The following ZNF419 variants were observed in gnomAD, a reference collection of about 807,000 sequenced individuals.
ZNF419 encodes zinc finger protein 419, also known as zinc finger protein 419A.
A neutral mutation model predicts 14.9 loss-of-function variants in ZNF419; 8 were observed. The observed-to-expected ratio is 0.54, with a 90% CI of 0.32 to 0.97. The LOEUF (loss-of-function observed/expected upper bound fraction) is 0.97. ZNF419 is among the 50% of genes least tolerant of loss of function. The probability of loss-of-function intolerance (pLI) is 0.04; values close to 1 mark genes in which losing one functional copy is unlikely to be tolerated. For missense variants in ZNF419, 595 were observed against 607.2 expected, an observed-to-expected ratio of 0.98 and a Z score of 0.21; for synonymous variants, 211 against 205.3, an observed-to-expected ratio of 1.03 and a Z score of -0.24.
At chr19:57,492,815 C>T in intron 4 of ZNF419, 41 bp from the exon 5 acceptor site, 3 of 1,613,302 alleles carry the variant, frequency 1.9e-6, no homozygotes, top group Non-Finnish European at 2.5e-6. Flanking sequence ...CTCCTCACAC[C>T]AAAGTCTACA....
chr19:57,488,076 G>T (rs1035354219), intron 1 of ZNF419, 93 bp downstream of exon 1: 140 of 1,559,842 alleles, frequency 9.0e-5, no homozygotes, highest in Non-Finnish European at 1.6e-5. Context: ...TGGGGCGTTC[G>T]TGCGCGGCGT....
intron 4 of ZNF419, 123 bp downstream of exon 4, chr19:57,492,334 A>G (rs1357945642): frequency 8.9e-7 from 1 of 1,124,458 alleles, no homozygotes. Context: ...TTTCTTCCTT[A>G]GTCACCCATT....
rs1318240114 is a variant in ZNF419 at position 57,493,004 on chromosome 19, T to C, written c.447T>C (p.Ser149=). 1.9e-6 allele frequency: 3 copies of C among 1,613,472 alleles called. No homozygotes were observed. The Admixed American group carries it at 5.0e-5, about 27-fold the overall frequency. Residue 149 remains serine, a synonymous_variant, in exon 5 of 5, where the codon AGT becomes AGC. Transcript: ENST00000221735. Reference sequence around the variant, plus strand: ...AGGGCAGGGTCCCAGTTTTGAGGAGTTGCAAAGTTCACCTATCAGAGAAGT... The same window carrying C: ...AGGGCAGGGTCCCAGTTTTGAGGAGCTGCAAAGTTCACCTATCAGAGAAGT... ...RQEGRVPVLR[S]CKVHLSEKSL...
chr19:57,493,641 T>C lies in ZNF419; in HGVS notation c.1084T>C (p.Trp362Arg). ...YSHKSNLIKHWRVHTGERPYK... is the reference protein window; with the variant it reads ...YSHKSNLIKHRRVHTGERPYK... ...CCACAAGTCCAACCTTATCAAACAT[T>C]GGCGTGTTCATACTGGAGAAAGGCC... The change falls in exon 5 of 5, where the codon TGG (tryptophan) becomes CGG (arginine). Residue 362 changes from tryptophan to arginine, a missense_variant. Transcript: ENST00000221735. 6.2e-7 allele frequency: 1 copy of C among 1,613,860 alleles called. No homozygotes were observed. The highest frequency in any genetic ancestry group is 2.2e-5 in the East Asian group (1 of 44,850).
chr19:57,491,383 A>C lies in ZNF419; in HGVS notation c.73-88A>C, dbSNP rs1004912009. The C allele has an allele frequency of 3.2e-6, 5 of 1,571,134 alleles. No individual in the cohort carries two copies. In the African/African-American group the frequency reaches 6.8e-5, roughly 21 times the overall value. On this transcript the variant is annotated intron_variant, in intron 2 of 4. Transcript: ENST00000221735. ...TCCTCTGAGATGGGGATTAAGGAAG[A>C]GGGTGAGCAGGGGTGGATGTTTAGG...
chr19:57,487,757 A>T lies in ZNF419; in HGVS notation c.-194A>T. 1 of 708,024 alleles carries T rather than the reference A, an allele frequency of 1.4e-6. No homozygotes were observed. 43.9% of individuals were successfully genotyped at this position (708,024 alleles called of 1,614,324 possible). A position where few individuals can be genotyped will look rare whatever the true frequency, so the allele number is the denominator to read the frequency against. On this transcript the variant is annotated 5_prime_UTR_variant, in exon 1 of 5. Transcript: ENST00000221735. ...ACTTCCGGCGTCTCGTTTGGTATTC[A>T]CTTTCGCGACTCAGGTGAACTAACC...
chr19:57,492,609 A>G, intron 4 of ZNF419: 1 of 752,144 alleles, frequency 1.3e-6, no homozygotes. Flanking sequence ...TGTGTTGGGG[A>G]CACTGCCTCT....
Position 57,487,945 on chromosome 19 carries a change from G to T in ZNF419, c.-6G>T. On this transcript the variant is annotated 5_prime_UTR_variant, in exon 1 of 5. Transcript: ENST00000221735. ...GTCTCCCCTCCAGCTCTACTCACAG[G>T]CTCCGATGGCGGCGGCCGCCCTGAG... 6.2e-7 allele frequency: 1 copy of T among 1,613,880 alleles called. No individual in the cohort carries two copies. The highest frequency in any genetic ancestry group is 8.5e-7 in the Non-Finnish European group (1 of 1,179,912).
Position 57,493,932 on chromosome 19 carries a change from G to T in ZNF419, c.1375G>T (p.Glu459Ter). 23 of 1,613,958 alleles carry T rather than the reference G, an allele frequency of 1.4e-5. No individual in the cohort carries two copies. Among genetic ancestry groups the T allele is most frequent in the Non-Finnish European group, 1.9e-5 (22 of 1,180,020 alleles). The part of the protein sequence containing the change: ...HIGEKPFKCN[E>*]CGRLFRENSS... ...TGGAGAAAAGCCTTTTAAGTGCAAT[G>T]AATGTGGGAGATTGTTTAGAGAGAA... The change falls in exon 5 of 5, where the codon GAA (glutamate) becomes TAA (stop). Residue 459 changes from glutamate (E) to a stop codon, truncating the protein, a stop_gained. Transcript: ENST00000221735. LOFTEE classifies it low-confidence loss of function (END_TRUNC).
Position 57,494,027 on chromosome 19 carries a change from GT to G in ZNF419, c.1476del (p.Arg493AlafsTer94), listed in dbSNP as rs1370924946. On this transcript the variant is annotated frameshift_variant, in exon 5 of 5. Transcript: ENST00000221735. LOFTEE classifies it low-confidence loss of function (END_TRUNC). Reference protein sequence around the residue: ...KPYECRECGKFFRHNSSLFKH... With the variant: ...KPYECRECGKXFRHNSSLFKH... The stretch of plus-strand genomic sequence containing the variant: ...CTTATGAGTGCAGGGAATGTGGGAA[GT>G]TTTTTCGCCACAACTCCAGTCTTTT... The G allele has an allele frequency of 1.2e-6, 2 of 1,612,918 alleles. No homozygotes were observed. Among genetic ancestry groups the G allele is most frequent in the Middle Eastern group, 1.7e-4 (1 of 6,046 alleles).
Position 57,487,751 on chromosome 19 carries a change from G to C in ZNF419, c.-200G>C. 1.5e-6 allele frequency: 1 copy of C among 681,072 alleles called. No homozygotes were observed. The highest frequency in any genetic ancestry group is 2.5e-6 in the Non-Finnish European group (1 of 397,498). The allele number at this position is 681,072 out of a possible 1,614,324, so 42.2% of individuals were successfully genotyped here. A position where few individuals can be genotyped will look rare whatever the true frequency, so the allele number is the denominator to read the frequency against. On this transcript the variant is annotated 5_prime_UTR_variant, in exon 1 of 5. Coordinates refer to ENST00000221735, the MANE Select transcript of ZNF419 (RefSeq NM_024691.4). ...GGCGGGACTTCCGGCGTCTCGTTTG[G>C]TATTCACTTTCGCGACTCAGGTGAA... is the stretch of plus-strand genomic sequence containing the variant.
intron 2 of ZNF419, chr19:57,491,103 T>G: frequency 3.8e-6 from 1 of 261,540 alleles, no homozygotes; most frequent in Non-Finnish European, 7.5e-6. Flanking sequence ...ACAAAGTATG[T>G]GCACATTCTA....
rs1453612242 is a variant in ZNF419 at position 57,495,536 on chromosome 19, C to G, written c.*1446C>G. ...GGTCAGGAGATTGAGACCATCCTGG[C>G]TAACACAGTGAAACTCCCTCTCAAC... On this transcript the variant is annotated 3_prime_UTR_variant, in exon 5 of 5. Coordinates refer to ENST00000221735, the MANE Select transcript of ZNF419 (RefSeq NM_024691.4). 6.6e-6 allele frequency: 1 copy of G among 151,990 alleles called. No homozygotes were observed. The highest frequency in any genetic ancestry group is 1.5e-5 in the Non-Finnish European group (1 of 68,022). The allele number at this position is 151,990 out of a possible 1,614,324, so 9.4% of individuals were successfully genotyped here.
intron 4 of ZNF419, chr19:57,492,647 A>G (rs1415254604): frequency 5.1e-6 from 4 of 782,736 alleles, no homozygotes; most frequent in South Asian, 1.4e-5. Flanking sequence ...CCATCCTTGC[A>G]TCCTTGGTGC....
rs761463612 is a variant in ZNF419, at chr19:57,492,825, A to G, written c.299-31A>G. 5.0e-6 allele frequency: 8 copies of G among 1,613,558 alleles called. No homozygotes were observed. The African/African-American group carries it at 8.0e-5, about 16-fold the overall frequency. On this transcript the variant is annotated intron_variant, in intron 4 of 4. Coordinates refer to ENST00000221735, the MANE Select transcript of ZNF419 (RefSeq NM_024691.4). ...GCTGCCTCCTCACACCAAAGTCTAC[A>G]TTTACTTCTTCAACATTTATCTTCT...
At position 57,487,915 on chromosome 19, in the gene ZNF419, T is replaced by A. The variant is rs1193449316; in HGVS notation, c.-36T>A. The A allele has an allele frequency of 1.2e-6, 2 of 1,613,542 alleles. No individual in the cohort carries two copies. The highest frequency in any genetic ancestry group is 1.7e-6 in the Non-Finnish European group (2 of 1,179,786). On this transcript the variant is annotated 5_prime_UTR_variant, in exon 1 of 5. Transcript: ENST00000221735. Reference sequence around the variant, plus strand: ...AGGGTGGCCCGGGCCCTTTCCTCGGTCATTGTCTCCCCTCCAGCTCTACTC... The same window carrying A: ...AGGGTGGCCCGGGCCCTTTCCTCGGACATTGTCTCCCCTCCAGCTCTACTC...
Position 57,495,725 on chromosome 19 carries a change from C to CAAAAAAAAA in ZNF419, c.*1671_*1679dup, listed in dbSNP as rs532907966. On this transcript the variant is annotated 3_prime_UTR_variant, in exon 5 of 5. Transcript: ENST00000221735. The stretch of plus-strand genomic sequence containing the variant: ...TGGGGCACAAAGCCAGACTCTGTCT[C>CAAAAAAAAA]AAAAAAAAAAAAAAAAAAAAAAAAA... The CAAAAAAAAA allele has an allele frequency of 8.1e-5, 4 of 49,190 alleles. No individual in the cohort carries two copies. Among genetic ancestry groups the CAAAAAAAAA allele is most frequent in the Admixed American group, 7.2e-4 (2 of 2,782 alleles). 3.0% of individuals were successfully genotyped at this position (49,190 alleles called of 1,614,324 possible).
At chr19:57,491,258 T>C (rs1460369206) in intron 2 of ZNF419, 4 of 633,866 alleles carry the variant, frequency 6.3e-6, no homozygotes, top group African/African-American at 3.7e-5. Flanking sequence ...CTGCATACCA[T>C]GCCCAGAGCT....
Position 57,493,103 on chromosome 19 carries a change from A to G in ZNF419, c.546A>G (p.Thr182=), listed in dbSNP as rs190946068. 3,184 of 1,614,030 alleles carry G rather than the reference A, an allele frequency of 2.0e-3. 32 individuals are homozygous for G. Among genetic ancestry groups the G allele is most frequent in the African/African-American group, 0.015 (1,103 of 74,970 alleles). The change falls in exon 5 of 5, where the codon ACA becomes ACG. Residue 182 remains threonine (T), a synonymous_variant. Coordinates refer to ENST00000221735, the MANE Select transcript of ZNF419 (RefSeq NM_024691.4). ...SGVLKHQVTH[T]GEKSHRSSKS... Reference sequence around the variant, plus strand: ...TTCTCAAGCACCAGGTGACTCACACAGGAGAGAAGTCACATAGGAGCTCCA... The same window carrying G: ...TTCTCAAGCACCAGGTGACTCACACGGGAGAGAAGTCACATAGGAGCTCCA...
Sources: allele counts gnomAD v4.1 joint callset, GRCh38; gene constraint gnomAD v4.1.1; transcripts MANE v1.5; gene names NCBI Gene and HGNC (gene_info 2026-07-23, HGNC 2026-07-21).